Variants in SLC36A1 observed in about 807,000 individuals in gnomAD.
The protein encoded by SLC36A1 is solute carrier family 36 member 1.
In SLC36A1, 30 loss-of-function variants were observed where a neutral mutation model predicts 47.5. The observed-to-expected ratio is 0.63, with a 90% CI of 0.47 to 0.86. SLC36A1 has a LOEUF of 0.86. Among genes scored for constraint, SLC36A1 ranks in the 40% least tolerant of loss-of-function variants. SLC36A1 has a pLI of 0.00. For missense variants in SLC36A1, 517 were observed against 606.0 expected (o/e 0.85, Z 1.54); for synonymous variants, 255 against 249.7 (o/e 1.02, Z -0.20).
downstream of SLC36A1, among the ~76,000 whole-genome samples, chr5:151,493,479 A>T (rs1760250480): frequency 6.6e-6 from 1 of 151,982 alleles, no homozygotes; most frequent in African/African-American, 2.4e-5. Flanking sequence ...GGTTCCCATG[A>T]CTCTGTTTTG....
chr5:151,461,327 C>A (rs1755478044), intron 2 of SLC36A1, among the ~76,000 whole-genome samples: 1 of 152,120 alleles, frequency 6.6e-6, no homozygotes, highest in Non-Finnish European at 1.5e-5. Context: ...AGGTTATTTA[C>A]TAACACTTGA....
At chr5:151,439,663 GAAAAGAAAAAAAA>G (rs1752507202) in intron 1 of SLC36A1, among the ~76,000 whole-genome samples, 1 of 138,702 alleles carries the variant, frequency 7.2e-6, no homozygotes, top group African/African-American at 2.7e-5. Flanking sequence ...AAAAAAAAAA[GAAAAGAAAAAAAA>G]AAAAGAAAAA....
the SLC36A1 span, chr5:151,534,392 A>G: frequency 1.9e-6 from 3 of 1,585,694 alleles, no homozygotes; most frequent in Non-Finnish European, 2.6e-6. Flanking sequence ...AATGGCCTCA[A>G]TCCTTCTCAG....
At chr5:151,543,074 T>C in the SLC36A1 span, 1 of 1,614,162 alleles carries the variant, frequency 6.2e-7, no homozygotes, top group Non-Finnish European at 8.5e-7. Flanking sequence ...AAGGATACTT[T>C]TTTAGGAACC....
At chr5:151,544,912 T>G in the SLC36A1 span, 21 of 1,613,982 alleles carry the variant, frequency 1.3e-5, no homozygotes, top group Admixed American at 6.7e-5. Flanking sequence ...ATAGGGCAGA[T>G]GCTTAAATTT....
At chr5:151,518,374 A>ATTATTATTATTATTATT in the SLC36A1 span, among the ~76,000 whole-genome samples, 132 of 147,404 alleles carry the variant, frequency 9.0e-4, 1 homozygote, top group East Asian at 0.011. Flanking sequence ...TAATAATAAT[A>ATTATTATTATTATTATT]ATTTTTAAAA....
the SLC36A1 span, chr5:151,512,422 C>T: frequency 1.2e-5 from 20 of 1,614,256 alleles, no homozygotes; most frequent in South Asian, 8.8e-5. This position sits in a 1 kb window ranked among gnomAD's most constrained non-coding sequence, Gnocchi z 4.1. Context: ...CCTCAGACCA[C>T]GGCAGTTCTC....
At chr5:151,447,417 A>C (rs920295407), upstream of SLC36A1, among the ~76,000 whole-genome samples, 3 of 152,218 alleles carry the variant, frequency 2.0e-5, no homozygotes, top group African/African-American at 7.2e-5. Flanking sequence ...GCCCAAGATC[A>C]ATGCCCTGTT....
At chr5:151,461,434 C>G (rs1755493806) in intron 2 of SLC36A1, among the ~76,000 whole-genome samples, 1 of 152,086 alleles carries the variant, frequency 6.6e-6, no homozygotes, top group South Asian at 2.1e-4. Flanking sequence ...TTATATATAT[C>G]AAGCCTCCGT....
chr5:151,545,030 G>T, the SLC36A1 span: 1 of 1,614,168 alleles, frequency 6.2e-7, no homozygotes, highest in Non-Finnish European at 8.5e-7. Context: ...TGAGTGTCCT[G>T]CTGCTCCCGG....
the SLC36A1 span, among the ~76,000 whole-genome samples, chr5:151,417,785 T>C: frequency 6.6e-6 from 1 of 152,242 alleles, no homozygotes; most frequent in Non-Finnish European, 1.5e-5. Context: ...TCAAGCTGGC[T>C]GCAGAAATTT....
the SLC36A1 span, chr5:151,366,290 A>G: frequency 6.1e-6 from 1 of 164,086 alleles, no homozygotes; most frequent in African/African-American, 2.4e-5. Context: ...CCCCATATAA[A>G]TATACACATT....
the SLC36A1 span, among the ~76,000 whole-genome samples, chr5:151,421,984 G>A: frequency 0.5 from 75,713 of 152,088 alleles, 20,533 homozygotes; most frequent in African/African-American, 0.73. Flanking sequence ...GAAACTGCAG[G>A]AAAAAAACAG....
the SLC36A1 span, chr5:151,538,059 G>A: frequency 3.6e-6 from 3 of 843,720 alleles, no homozygotes; most frequent in East Asian, 2.6e-5. Context: ...CACTAAGAGG[G>A]CAGAGACGAA....
At chr5:151,511,729 A>C in the SLC36A1 span, 1 of 176,820 alleles carries the variant, frequency 5.7e-6, no homozygotes, top group Non-Finnish European at 1.2e-5. Flanking sequence ...CACTTATATA[A>C]ATTGGAAATT....
chr5:151,530,762 GAC>G, the SLC36A1 span, among the ~76,000 whole-genome samples: 1 of 152,206 alleles, frequency 6.6e-6, no homozygotes, highest in African/African-American at 2.4e-5. Context: ...CAAGTGAAAT[GAC>G]ACAGTGTCTG....
the SLC36A1 span, among the ~76,000 whole-genome samples, chr5:151,359,830 C>A: frequency 6.6e-6 from 1 of 152,326 alleles, no homozygotes; most frequent in African/African-American, 2.4e-5. Context: ...TGAGGTTCAT[C>A]CATGCTGTAG....
the SLC36A1 span, chr5:151,380,870 G>A: frequency 2.5e-5 from 11 of 434,792 alleles, no homozygotes; most frequent in South Asian, 2.0e-4. Flanking sequence ...AAAGGCAAGG[G>A]ATGTGAAGAA....
At chr5:151,382,158 A>G in the SLC36A1 span, 1 of 966,192 alleles carries the variant, frequency 1.0e-6, no homozygotes, top group Non-Finnish European at 1.7e-6. Context: ...CTCTGAATTG[A>G]AGGCTTTGGT....
Sources: allele counts gnomAD v4.1 joint callset (sites outside exome capture counted in the v4.1 genomes callset), GRCh38; gene constraint gnomAD v4.1.1; non-coding constraint Gnocchi (gnomAD v3.1); transcripts MANE v1.5; gene names NCBI Gene and HGNC (gene_info 2026-07-23, HGNC 2026-07-21).